Variants in VWC2 observed in about 807,000 individuals in gnomAD.
VWC2 encodes the protein von Willebrand factor C domain containing 2, also known as brorin.
Under a neutral mutation model 29.8 loss-of-function variants are expected in VWC2, and 14 were observed. The ratio of observed to expected loss-of-function variants is 0.47; its 90% CI spans 0.31 to 0.74. The LOEUF is 0.74. Among genes scored for constraint, VWC2 ranks in the 30% least tolerant of loss-of-function variants. The pLI, the probability that VWC2 is intolerant of heterozygous loss-of-function variation, is 0.05. For missense variants in VWC2, 457 were observed against 459.8 expected (o/e 0.99, Z 0.05); for synonymous variants, 213 against 199.0 (o/e 1.07, Z -0.59).
chr7:49,850,151 C>G (rs541642465), intron 3 of VWC2, among the ~76,000 whole-genome samples: 1 of 152,158 alleles, frequency 6.6e-6, no homozygotes, highest in African/African-American at 2.4e-5. Context: ...AGTGCTGTAA[C>G]GCAGTATTCA....
chr7:49,904,253 C>G (rs191468039), intron 3 of VWC2, among the ~76,000 whole-genome samples: 1 of 152,064 alleles, frequency 6.6e-6, no homozygotes, highest in Non-Finnish European at 1.5e-5. Context: ...AAAGCTTTAC[C>G]GAGGACTCCC....
rs971997429 is a variant in VWC2 at position 49,921,521 on chromosome 7, A to T, written c.*9336A>T. On this transcript the variant is annotated 3_prime_UTR_variant, in exon 4 of 4. Coordinates refer to ENST00000340652, the MANE Select transcript of VWC2 (RefSeq NM_198570.5). The stretch of plus-strand genomic sequence containing the variant: ...GTTATTTATCAGGTACACGTTACCT[A>T]CCTCTCTGTAACTCAGATTGCTCAT... The T allele has an allele frequency of 6.6e-6, 1 of 152,216 alleles. No homozygotes were observed. Among genetic ancestry groups the T allele is most frequent in the Non-Finnish European group, 1.5e-5 (1 of 68,048 alleles). The allele number at this position is 152,216 out of a possible 1,614,324, so 9.4% of individuals were successfully genotyped here.
intron 3 of VWC2, among the ~76,000 whole-genome samples, chr7:49,816,296 C>T (rs1269673955): frequency 6.6e-6 from 1 of 152,158 alleles, no homozygotes; most frequent in Non-Finnish European, 1.5e-5. Context: ...ATTTGACCTC[C>T]TGAAAGTCAT....
At chr7:49,830,682 C>T (rs965354820) in intron 3 of VWC2, among the ~76,000 whole-genome samples, 9 of 152,234 alleles carry the variant, frequency 5.9e-5, no homozygotes, top group South Asian at 2.1e-4. Flanking sequence ...CCTCACCCCA[C>T]GACAGGCCTC....
At chr7:49,779,265 T>G (rs1788123762) in intron 2 of VWC2, among the ~76,000 whole-genome samples, 1 of 152,198 alleles carries the variant, frequency 6.6e-6, no homozygotes. Context: ...TTTCTGCATA[T>G]TCTAAACTTG....
At chr7:49,908,238 A>T (rs1793211650) in intron 3 of VWC2, among the ~76,000 whole-genome samples, 1 of 152,126 alleles carries the variant, frequency 6.6e-6, no homozygotes, top group Non-Finnish European at 1.5e-5. Flanking sequence ...CCTGAATTCC[A>T]AAAGGAGGAG....
chr7:49,796,950 G>A (rs1447001450), intron 2 of VWC2, among the ~76,000 whole-genome samples: 2 of 152,042 alleles, frequency 1.3e-5, no homozygotes, highest in African/African-American at 4.8e-5. Context: ...TCATTTTATA[G>A]GTCTCATTTT....
chr7:49,882,056 C>G (rs933016651), intron 3 of VWC2, among the ~76,000 whole-genome samples: 4 of 151,698 alleles, frequency 2.6e-5, no homozygotes, highest in African/African-American at 9.7e-5. Context: ...AACAGTTGCT[C>G]ATAAATTTTT....
At chr7:49,844,027 G>T (rs1010658887) in intron 3 of VWC2, among the ~76,000 whole-genome samples, 2 of 152,208 alleles carry the variant, frequency 1.3e-5, no homozygotes, top group Non-Finnish European at 2.9e-5. Context: ...CATGGAATTG[G>T]CTGGGTGATG....
chr7:49,795,336 CAG>C (rs1194862611), intron 2 of VWC2, among the ~76,000 whole-genome samples: 1 of 152,170 alleles, frequency 6.6e-6, no homozygotes, highest in African/African-American at 2.4e-5. Flanking sequence ...GGGAGTAGAG[CAG>C]AGAGTTAGAC....
intron 3 of VWC2, among the ~76,000 whole-genome samples, chr7:49,892,799 T>C (rs1330859404): frequency 6.6e-6 from 1 of 152,246 alleles, no homozygotes; most frequent in Non-Finnish European, 1.5e-5. Context: ...CTCCGTGGAA[T>C]GAATATAAAT....
intron 3 of VWC2, among the ~76,000 whole-genome samples, chr7:49,810,131 G>A (rs551345056): frequency 3.0e-4 from 45 of 151,672 alleles, no homozygotes; most frequent in Middle Eastern, 3.4e-3. Flanking sequence ...ACACATACAC[G>A]TGCATACACA....
At position 49,914,689 on chromosome 7, in the gene VWC2, T is replaced by C. The variant is rs564728237; in HGVS notation, c.*2504T>C. 8.3e-4 allele frequency: 126 copies of C among 152,364 alleles called. No homozygotes were observed. The highest frequency in any genetic ancestry group is 3.0e-3 in the African/African-American group (124 of 41,600). The allele number at this position is 152,364 out of a possible 1,614,324, so 9.4% of individuals were successfully genotyped here. On this transcript the variant is annotated 3_prime_UTR_variant, in exon 4 of 4. Coordinates refer to ENST00000340652, the MANE Select transcript of VWC2 (RefSeq NM_198570.5). Reference sequence around the variant, plus strand: ...AATACATAGCTATCTCAGATTGACATTCTATTTTCCTCCCCTCTGTTGTCA... The same window carrying C: ...AATACATAGCTATCTCAGATTGACACTCTATTTTCCTCCCCTCTGTTGTCA...
chr7:49,789,114 G>A (rs1788392536), intron 2 of VWC2, among the ~76,000 whole-genome samples: 1 of 131,692 alleles, frequency 7.6e-6, no homozygotes, highest in African/African-American at 3.7e-5. Context: ...GAGATTGAGA[G>A]AGTGTAGTGT....
intron 3 of VWC2, among the ~76,000 whole-genome samples, chr7:49,812,291 G>A (rs866431372): frequency 1.3e-5 from 2 of 152,270 alleles, no homozygotes; most frequent in East Asian, 3.9e-4. Flanking sequence ...CACTGGGTGA[G>A]TTTTATGGTA....
At position 49,914,130 on chromosome 7, in the gene VWC2, C is replaced by T. The variant is rs1793599579; in HGVS notation, c.*1945C>T. The stretch of plus-strand genomic sequence containing the variant: ...TTGAGACACAGTTATTTAAAGTTGT[C>T]GTTTTGCTAATAAATGGCCCTAGCC... On this transcript the variant is annotated 3_prime_UTR_variant, in exon 4 of 4. Transcript: ENST00000340652. 1 of 152,176 alleles carries T rather than the reference C, an allele frequency of 6.6e-6. No individual in the cohort carries two copies. The highest frequency in any genetic ancestry group is 6.5e-5 in the Admixed American group (1 of 15,278). The allele number at this position is 152,176 out of a possible 1,614,324, so 9.4% of individuals were successfully genotyped here.
At chr7:49,780,816 G>A (rs1788157199) in intron 2 of VWC2, among the ~76,000 whole-genome samples, 1 of 152,050 alleles carries the variant, frequency 6.6e-6, no homozygotes, top group South Asian at 2.1e-4. Flanking sequence ...AAATGATTTG[G>A]GACCACTGAG....
intron 3 of VWC2, among the ~76,000 whole-genome samples, chr7:49,886,625 C>T (rs893715796): frequency 6.6e-6 from 1 of 151,992 alleles, no homozygotes; most frequent in Non-Finnish European, 1.5e-5. Context: ...ACTTTAGGTT[C>T]AGGGGTACAT....
At chr7:49,788,407 T>C (rs747866046) in intron 2 of VWC2, among the ~76,000 whole-genome samples, 21 of 152,026 alleles carry the variant, frequency 1.4e-4, no homozygotes, top group Admixed American at 3.3e-4. Context: ...TCTCAAAGAA[T>C]GCCAAACGGG....
Sources: allele counts gnomAD v4.1 joint callset (sites outside exome capture counted in the v4.1 genomes callset), GRCh38; gene constraint gnomAD v4.1.1; transcripts MANE v1.5; gene names NCBI Gene and HGNC (gene_info 2026-07-23, HGNC 2026-07-21).